RSPO2: variants seen among roughly 807,000 people sequenced by gnomAD.
The protein encoded by RSPO2 is R-spondin 2, also known as R-spondin-2.
In RSPO2, 14 loss-of-function variants were observed where a neutral mutation model predicts 30.9. The ratio of observed to expected loss-of-function variants is 0.45; its 90% CI spans 0.30 to 0.71. The LOEUF (loss-of-function observed/expected upper bound fraction) is 0.71. RSPO2 is among the 30% of genes least tolerant of loss of function. RSPO2 has a pLI of 0.08. For missense variants in RSPO2, 264 were observed against 301.9 expected (o/e 0.87, Z 0.93); for synonymous variants, 107 against 96.4 (o/e 1.11, Z -0.64).
chr8:107,940,155 C>G (rs1812853037), intron 5 of RSPO2, among the ~76,000 whole-genome samples: 1 of 152,122 alleles, frequency 6.6e-6, no homozygotes, highest in Non-Finnish European at 1.5e-5. Context: ...GATTTCCTCT[C>G]AAACTAGTCT....
intron 2 of RSPO2, among the ~76,000 whole-genome samples, chr8:107,997,942 C>G (rs1012854335): frequency 2.6e-5 from 4 of 152,164 alleles, no homozygotes; most frequent in Admixed American, 1.3e-4. Context: ...CCTTGCCAAG[C>G]AAGAAGAAAT....
chr8:107,959,393 G>GTC (rs1813547072), intron 4 of RSPO2, among the ~76,000 whole-genome samples: 3 of 152,158 alleles, frequency 2.0e-5, no homozygotes, highest in Non-Finnish European at 4.4e-5. Context: ...CCCAGGGGAG[G>GTC]GAGAGGAGGA....
chr8:107,959,069 C>T (rs928505593), intron 4 of RSPO2, among the ~76,000 whole-genome samples: 1 of 152,192 alleles, frequency 6.6e-6, no homozygotes, highest in Admixed American at 6.5e-5. Flanking sequence ...TATTTCCTGT[C>T]ATGACAGAAG....
chr8:108,016,202 A>G (rs1810885492), intron 2 of RSPO2, among the ~76,000 whole-genome samples: 1 of 152,234 alleles, frequency 6.6e-6, no homozygotes, highest in South Asian at 2.1e-4. Context: ...GGTCTCAAAT[A>G]TATATATCCC....
chr8:108,055,502 T>TC (rs1812216592), intron 2 of RSPO2, among the ~76,000 whole-genome samples: 1 of 152,116 alleles, frequency 6.6e-6, no homozygotes, highest in African/African-American at 2.4e-5. Context: ...CACAGAAAGA[T>TC]CAGTGGGAAG....
intron 3 of RSPO2, among the ~76,000 whole-genome samples, chr8:107,970,469 TAA>T (rs1330127365): frequency 6.6e-6 from 1 of 152,032 alleles, no homozygotes; most frequent in Non-Finnish European, 1.5e-5. Flanking sequence ...GAAAAGAAAA[TAA>T]AGAGTTTTAT....
chr8:108,010,983 A>G (rs1810686365), intron 2 of RSPO2, among the ~76,000 whole-genome samples: 1 of 151,924 alleles, frequency 6.6e-6, no homozygotes, highest in African/African-American at 2.4e-5. Context: ...AAAATTTTAA[A>G]TTAGTGGGGC....
intron 3 of RSPO2, among the ~76,000 whole-genome samples, chr8:107,963,971 G>GTTCTTTTCC (rs1434413840): frequency 1.3e-5 from 2 of 152,132 alleles, no homozygotes; most frequent in African/African-American, 2.4e-5. Context: ...GTTTTCACAT[G>GTTCTTTTCC]TTCAATAGTG....
intron 2 of RSPO2, among the ~76,000 whole-genome samples, chr8:108,050,638 T>C (rs985531218): frequency 1.3e-5 from 2 of 152,160 alleles, no homozygotes; most frequent in Non-Finnish European, 2.9e-5. Flanking sequence ...CCATTTGGAA[T>C]GAACAAAGCA....
At chr8:108,073,716 T>C (rs1378607582) in intron 2 of RSPO2, among the ~76,000 whole-genome samples, 1 of 152,206 alleles carries the variant, frequency 6.6e-6, no homozygotes, top group East Asian at 1.9e-4. Flanking sequence ...AACTCTTTAG[T>C]GGGATTGAGA....
intron 2 of RSPO2, among the ~76,000 whole-genome samples, chr8:108,017,119 C>T (rs1339862974): frequency 1.3e-5 from 2 of 151,882 alleles, no homozygotes; most frequent in African/African-American, 4.8e-5. Context: ...CAGGTTCACA[C>T]CATTCTCCTG....
chr8:107,971,976 T>G (rs1230420835), intron 3 of RSPO2, among the ~76,000 whole-genome samples: 2 of 152,178 alleles, frequency 1.3e-5, no homozygotes, highest in Non-Finnish European at 2.9e-5. Flanking sequence ...CCTCATGGTT[T>G]TACCACTCTG....
chr8:108,000,541 T>C (rs1443930), intron 2 of RSPO2, among the ~76,000 whole-genome samples: 1 of 151,656 alleles, frequency 6.6e-6, no homozygotes, highest in African/African-American at 2.4e-5. Flanking sequence ...TGTGTTTTTT[T>C]TTTGAGTTTT....
At chr8:107,922,854 A>G (rs938010448) in intron 5 of RSPO2, among the ~76,000 whole-genome samples, 2 of 149,916 alleles carry the variant, frequency 1.3e-5, no homozygotes, top group African/African-American at 2.4e-5. Context: ...ACTCTAGTCA[A>G]TAAGTAGGAT....
At chr8:107,918,117 C>A (rs1479973175) in intron 5 of RSPO2, among the ~76,000 whole-genome samples, 1 of 152,072 alleles carries the variant, frequency 6.6e-6, no homozygotes, top group East Asian at 1.9e-4. Context: ...GACAAGTAAT[C>A]TTTTTTAAAA....
chr8:108,067,612 A>T (rs1238867269), intron 2 of RSPO2, among the ~76,000 whole-genome samples: 1 of 152,262 alleles, frequency 6.6e-6, no homozygotes, highest in Non-Finnish European at 1.5e-5. Flanking sequence ...TTTATATGCA[A>T]CACACAAGCA....
chr8:107,904,551 T>C (rs563806677), intron 5 of RSPO2, among the ~76,000 whole-genome samples: 1 of 152,084 alleles, frequency 6.6e-6, no homozygotes, highest in African/African-American at 2.4e-5. Flanking sequence ...TCAGCACTGT[T>C]ATGCAGATGC....
chr8:107,930,045 A>T (rs938641190), intron 5 of RSPO2, among the ~76,000 whole-genome samples: 6 of 152,190 alleles, frequency 3.9e-5, no homozygotes, highest in African/African-American at 1.4e-4. Context: ...AGATCATTTT[A>T]TCTATATTCC....
At chr8:108,030,131 A>AG (rs1811374602) in intron 2 of RSPO2, among the ~76,000 whole-genome samples, 2 of 148,296 alleles carry the variant, frequency 1.3e-5, no homozygotes, top group Non-Finnish European at 3.0e-5. Flanking sequence ...AAAAAAAAAA[A>AG]AAAAAAAAAA....
Sources: gnomAD v4.1 joint callset for allele counts (sites outside exome capture counted in the v4.1 genomes callset) on GRCh38, gnomAD v4.1.1 for gene constraint, MANE v1.5 for transcripts, NCBI Gene and HGNC (gene_info 2026-07-23, HGNC 2026-07-21) for gene names.